The following PPA1 variants were observed in gnomAD, a reference collection of about 807,000 sequenced individuals.
PPA1 encodes the protein inorganic pyrophosphatase.
Under a neutral mutation model 41.8 loss-of-function variants are expected in PPA1, and 23 were observed. That is an observed-to-expected ratio of 0.55 (90% CI 0.40 to 0.78). The LOEUF (loss-of-function observed/expected upper bound fraction) is 0.78. Ranked by LOEUF, PPA1 falls within the 30% of genes least tolerant of loss-of-function variation. The pLI is 0.00. For missense variants in PPA1, 320 were observed against 361.6 expected (o/e 0.89, Z 0.93); for synonymous variants, 101 against 116.8 (o/e 0.86, Z 0.87).
At chr10:70,213,623 A>C in intron 5 of PPA1, 34 bp from the exon 6 acceptor site, 1 of 1,606,690 alleles carries the variant, frequency 6.2e-7, no homozygotes, top group Non-Finnish European at 8.5e-7. Context: ...GGACAACATT[A>C]CAGAACCACA....
intron 1 of PPA1, 107 bp from the exon 2 acceptor site, chr10:70,230,506 G>T: frequency 1.7e-6 from 2 of 1,144,574 alleles, no homozygotes; most frequent in Non-Finnish European, 1.2e-6. Flanking sequence ...CTGTCACCCA[G>T]GATGGTGTGC....
intron 10 of PPA1, 103 bp from the exon 11 acceptor site, chr10:70,203,289 T>C: frequency 7.8e-6 from 8 of 1,022,526 alleles, no homozygotes; most frequent in Non-Finnish European, 1.2e-5. Context: ...TGAATCCTAC[T>C]ATGAATTACC....
chr10:70,221,076 A>ATATATATATTTTTTTTTT (rs1224550178), intron 2 of PPA1, among the ~76,000 whole-genome samples: 1 of 40,050 alleles, frequency 2.5e-5, no homozygotes, highest in African/African-American at 2.0e-4. Flanking sequence ...ATATATATAT[A>ATATATATATTTTTTTTTT]TTTTTTTTTT....
Position 70,230,389 on chromosome 10 carries a change from T to C in PPA1, c.75A>G (p.Lys25=), listed in dbSNP as rs751111756. 6.2e-7 allele frequency: 1 copy of C among 1,610,456 alleles called. No homozygotes were observed. Among genetic ancestry groups the C allele is most frequent in the South Asian group, 1.1e-5 (1 of 90,224 alleles). The part of the protein sequence containing the change: ...LEYRVFLKNE[K]GQYISPFHDI... ...CATGAAATGGAGATATATATTGTCCTTTCTCATTTTCTGCAAAATAAATTA... is the reference window on the plus strand; with the variant it reads ...CATGAAATGGAGATATATATTGTCCCTTCTCATTTTCTGCAAAATAAATTA... The change falls in exon 2 of 11, where the codon AAA becomes AAG. Residue 25 remains lysine (K), a synonymous_variant. Transcript: ENST00000373232.
At chr10:70,208,475 G>A (rs766834733) in intron 8 of PPA1, among the ~76,000 whole-genome samples, 10 of 151,734 alleles carry the variant, frequency 6.6e-5, no homozygotes, top group Admixed American at 1.3e-4. Flanking sequence ...ACAGGCAAGC[G>A]CCACCATGCC....
intron 2 of PPA1, among the ~76,000 whole-genome samples, chr10:70,219,228 T>C (rs1029618761): frequency 6.6e-6 from 1 of 152,054 alleles, no homozygotes; most frequent in Admixed American, 6.6e-5. Flanking sequence ...TCTTTTAACT[T>C]TTCTGTATGC....
At chr10:70,219,000 ATATT>A (rs1372236380) in intron 2 of PPA1, among the ~76,000 whole-genome samples, 183 bp from the exon 3 acceptor site, 1 of 152,204 alleles carries the variant, frequency 6.6e-6, no homozygotes, top group Non-Finnish European at 1.5e-5. Context: ...TTATAGGAAA[ATATT>A]CATTATAGAA....
intron 1 of PPA1, among the ~76,000 whole-genome samples, chr10:70,230,836 C>T (rs2063628145): frequency 6.6e-6 from 1 of 152,198 alleles, no homozygotes; most frequent in Admixed American, 6.5e-5. Flanking sequence ...GTATACTTCA[C>T]TTCTCCTGAC....
intron 2 of PPA1, among the ~76,000 whole-genome samples, chr10:70,228,517 A>G (rs1840256887): frequency 6.6e-6 from 1 of 152,216 alleles, no homozygotes; most frequent in Non-Finnish European, 1.5e-5. Context: ...TATGATATAC[A>G]TGCTATTATA....
At chr10:70,233,168 C>G in intron 1 of PPA1, 96 bp downstream of exon 1, 1 of 1,370,972 alleles carries the variant, frequency 7.3e-7, no homozygotes, top group Non-Finnish European at 9.7e-7. Flanking sequence ...CGTCGGAGAC[C>G]TGGGGCCGAG....
intron 2 of PPA1, among the ~76,000 whole-genome samples, chr10:70,219,894 A>C (rs1004886416): frequency 1.3e-5 from 2 of 152,186 alleles, no homozygotes; most frequent in South Asian, 2.1e-4. Context: ...TAGAACTTTA[A>C]CTGCAGTTTT....
intron 2 of PPA1, among the ~76,000 whole-genome samples, chr10:70,221,076 A>ATATATATATTTTTT (rs1224550178): frequency 2.5e-5 from 1 of 40,050 alleles, no homozygotes; most frequent in African/African-American, 2.0e-4. Flanking sequence ...ATATATATAT[A>ATATATATATTTTTT]TTTTTTTTTT....
At chr10:70,210,771 A>ATT (rs60133562) in intron 6 of PPA1, among the ~76,000 whole-genome samples, 104,485 of 148,550 alleles carry the variant, frequency 0.7, 37,166 homozygotes, top group Non-Finnish European at 0.77. Context: ...ACTCCAATTT[A>ATT]TTTTTTTTTT....
chr10:70,230,163 C>T (rs1472157055), intron 2 of PPA1, among the ~76,000 whole-genome samples, 178 bp downstream of exon 2: 1 of 152,194 alleles, frequency 6.6e-6, no homozygotes, highest in Non-Finnish European at 1.5e-5. Context: ...CCCGCCTCAG[C>T]CTCCCAAAGT....
At chr10:70,217,423 T>G (rs1290353365) in intron 4 of PPA1, among the ~76,000 whole-genome samples, 2 of 152,254 alleles carry the variant, frequency 1.3e-5, no homozygotes, top group South Asian at 4.1e-4. Flanking sequence ...TTAGGTAAGC[T>G]AGGAATTGGC....
chr10:70,214,381 G>A (rs961741051), intron 5 of PPA1, 119 bp downstream of exon 5: 4 of 782,736 alleles, frequency 5.1e-6, no homozygotes, highest in African/African-American at 1.8e-5. Flanking sequence ...TAATACCAAA[G>A]AGACATCATT....
intron 2 of PPA1, among the ~76,000 whole-genome samples, chr10:70,221,076 A>ATATTTTTTTTTTTTTT (rs1224550178): frequency 5.0e-5 from 2 of 40,028 alleles, no homozygotes; most frequent in African/African-American, 2.0e-4. Flanking sequence ...ATATATATAT[A>ATATTTTTTTTTTTTTT]TTTTTTTTTT....
intron 2 of PPA1, among the ~76,000 whole-genome samples, chr10:70,224,712 ACTTATTT>A (rs1299486462): frequency 6.6e-6 from 1 of 150,680 alleles, no homozygotes; most frequent in Non-Finnish European, 1.5e-5. Context: ...CTTTATTGAG[ACTTATTT>A]CTTATTTATT....
rs1395058311 is a variant in PPA1, at chr10:70,214,604, T to C, written c.298-18A>G. 1 of 1,584,890 alleles carries C rather than the reference T, an allele frequency of 6.3e-7. No individual in the cohort carries two copies. The highest frequency in any genetic ancestry group is 1.1e-5 in the South Asian group (1 of 90,126). On this transcript the variant is annotated intron_variant, in intron 4 of 10. Coordinates refer to ENST00000373232, the MANE Select transcript of PPA1 (RefSeq NM_021129.4). ...TCCCAAGTCTAAAAATATAAGACAG[T>C]GTATATCATTCCTATACATACTGAC...
Sources: allele counts gnomAD v4.1 joint callset (sites outside exome capture counted in the v4.1 genomes callset), GRCh38; gene constraint gnomAD v4.1.1; transcripts MANE v1.5; gene names NCBI Gene and HGNC (gene_info 2026-07-23, HGNC 2026-07-21).